The following FANCD2 variants were observed in gnomAD, a reference collection of about 807,000 sequenced individuals.
FANCD2 encodes the protein FA complementation group D2, also known as Fanconi anemia group D2 protein.
Under a neutral mutation model 192.3 loss-of-function variants are expected in FANCD2, and 131 were observed. The ratio of observed to expected loss-of-function variants is 0.68; its 90% CI spans 0.59 to 0.79. FANCD2 has a LOEUF of 0.79. FANCD2 is among the 30% of genes least tolerant of loss of function. The probability of loss-of-function intolerance (pLI) is 0.00; values close to 1 mark genes in which losing one functional copy is unlikely to be tolerated. For missense variants in FANCD2, 1,508 were observed against 1,701.6 expected (o/e 0.89, Z 2.00); for synonymous variants, 524 against 612.5 (o/e 0.86, Z 2.13).
chr3:10,081,512 A>G, intron 32 of FANCD2, 48 bp downstream of exon 32: 1 of 1,257,982 alleles, frequency 7.9e-7, no homozygotes, highest in Non-Finnish European at 1.2e-6. Context: ...ACTTGCTTTT[A>G]TTTGACAGTC....
chr3:10,071,206 A>G (rs1276029944), intron 26 of FANCD2, among the ~76,000 whole-genome samples: 11 of 152,146 alleles, frequency 7.2e-5, no homozygotes, highest in Admixed American at 6.6e-4. Context: ...GCTGGTGAGA[A>G]TATGGAGAAA....
chr3:10,061,548 A>G (rs942455750), intron 19 of FANCD2, among the ~76,000 whole-genome samples: 17 of 152,202 alleles, frequency 1.1e-4, no homozygotes, highest in African/African-American at 4.1e-4. Flanking sequence ...CACATCAGCA[A>G]TAAGGATAAT....
chr3:10,075,130 A>C (rs895455428), intron 29 of FANCD2, among the ~76,000 whole-genome samples: 2 of 152,132 alleles, frequency 1.3e-5, no homozygotes, highest in Non-Finnish European at 1.5e-5. Context: ...AATAACTTCT[A>C]ATCTAATCAA....
intron 36 of FANCD2, among the ~76,000 whole-genome samples, chr3:10,089,320 G>C (rs971524999): frequency 3.3e-5 from 5 of 151,484 alleles, no homozygotes; most frequent in African/African-American, 1.2e-4. Flanking sequence ...ACTGTCCAAC[G>C]TATATAGCTT....
At chr3:10,029,777 C>CTTG (rs373948218) in intron 2 of FANCD2, among the ~76,000 whole-genome samples, 27 of 151,886 alleles carry the variant, frequency 1.8e-4, no homozygotes, top group East Asian at 3.9e-4. Flanking sequence ...TTATATCATT[C>CTTG]TTGTTGTTGT....
chr3:10,091,314 C>G (rs1694594567), intron 37 of FANCD2, among the ~76,000 whole-genome samples: 1 of 151,620 alleles, frequency 6.6e-6, no homozygotes, highest in Non-Finnish European at 1.5e-5. Flanking sequence ...CTCATAGGCT[C>G]AAGCAATCCT....
chr3:10,057,392 G>A (rs185101322), intron 18 of FANCD2, among the ~76,000 whole-genome samples: 19 of 147,082 alleles, frequency 1.3e-4, no homozygotes, highest in Non-Finnish European at 1.2e-4. Flanking sequence ...TTGAGATGGA[G>A]TCTCACTCTG....
At chr3:10,079,673 T>C (rs956061859) in intron 30 of FANCD2, among the ~76,000 whole-genome samples, 7 of 152,136 alleles carry the variant, frequency 4.6e-5, no homozygotes, top group Non-Finnish European at 7.4e-5. Flanking sequence ...TCCTGTTCTT[T>C]ACTTGAATTT....
At chr3:10,098,594 C>A in intron 42 of FANCD2, 126 bp from the exon 43 acceptor site, 1 of 1,136,470 alleles carries the variant, frequency 8.8e-7, no homozygotes, top group Non-Finnish European at 1.3e-6. Context: ...AGTTGGTATC[C>A]ATGTTTGCTG....
intron 21 of FANCD2, among the ~76,000 whole-genome samples, 152 bp from the exon 22 acceptor site, chr3:10,064,200 ACTCT>A (rs1171504831): frequency 6.6e-5 from 10 of 151,762 alleles, no homozygotes; most frequent in Non-Finnish European, 5.9e-5. Context: ...CTTTTTATGC[ACTCT>A]CTCTTTTCTA....
intron 6 of FANCD2, among the ~76,000 whole-genome samples, 182 bp from the exon 7 acceptor site, chr3:10,036,105 T>TTTTTTTGG (rs2086724568): frequency 6.8e-6 from 1 of 146,788 alleles, no homozygotes; most frequent in African/African-American, 2.6e-5. Context: ...TTTTTTTTTT[T>TTTTTTTGG]GAGTCAGAGT....
In FANCD2 at chr3:10,064,728, G is replaced by C. The variant is rs756898495; in HGVS notation, c.2022-1G>C. The C allele has an allele frequency of 6.2e-7, 1 of 1,614,194 alleles. No homozygotes were observed. The highest frequency in any genetic ancestry group is 8.5e-7 in the Non-Finnish European group (1 of 1,180,022). On this transcript the variant is annotated splice_acceptor_variant, in intron 22 of 43. Coordinates refer to ENST00000675286, the MANE Select transcript of FANCD2 (RefSeq NM_001018115.3). LOFTEE classifies it high-confidence loss of function. Reference sequence around the variant, plus strand: ...CATCAGATTCTGGTTTTTCTCCGCAGTGACTTTCCATTTCCTGTGAAAGCA... The same window carrying C: ...CATCAGATTCTGGTTTTTCTCCGCACTGACTTTCCATTTCCTGTGAAAGCA...
At chr3:10,101,077 A>T in intron 43 of FANCD2, 111 bp from the exon 44 acceptor site, 1 of 827,762 alleles carries the variant, frequency 1.2e-6, no homozygotes, top group Non-Finnish European at 2.0e-6. Flanking sequence ...AAAAAAAAAA[A>T]AAGTTTTAAC....
Position 10,063,821 on chromosome 3 carries a change from C to A in FANCD2, c.1857C>A (p.Ser619=), listed in dbSNP as rs757152429. ...CCTCCTTGTTGCAGTTGGTTCATTCCTGCAGTGAGCAGTCTCCTCAGGCCT... is the reference window on the plus strand; with the variant it reads ...CCTCCTTGTTGCAGTTGGTTCATTCATGCAGTGAGCAGTCTCCTCAGGCCT... ...QVTSLLQLVH[S]CSEQSPQASA... is the part of the protein sequence containing the mutation. The change falls in exon 21 of 44, where the codon TCC becomes TCA. Residue 619 remains serine, a synonymous_variant. Coordinates refer to ENST00000675286, the MANE Select transcript of FANCD2 (RefSeq NM_001018115.3). 1 of 1,614,202 alleles carries A rather than the reference C, an allele frequency of 6.2e-7. No homozygotes were observed. The highest frequency in any genetic ancestry group is 1.1e-5 in the South Asian group (1 of 91,092).
intron 12 of FANCD2, 43 bp from the exon 13 acceptor site, chr3:10,043,441 T>C (rs2086915500): frequency 3.4e-6 from 5 of 1,489,176 alleles, no homozygotes; most frequent in African/African-American, 1.4e-5. Flanking sequence ...AGTTCTTTTC[T>C]GGTACGTAGA....
chr3:10,087,797 C>T (rs1229192399), intron 34 of FANCD2, among the ~76,000 whole-genome samples: 1 of 152,012 alleles, frequency 6.6e-6, no homozygotes, highest in African/African-American at 2.4e-5. Flanking sequence ...TACAGGTGCG[C>T]ACCACCGTGC....
intron 26 of FANCD2, among the ~76,000 whole-genome samples, chr3:10,069,743 CG>C (rs1475344354): frequency 1.3e-5 from 2 of 152,178 alleles, no homozygotes; most frequent in Admixed American, 1.3e-4. Flanking sequence ...GGATTGCAGA[CG>C]GAGTCTGGTT....
intron 10 of FANCD2, 131 bp downstream of exon 10, chr3:10,041,841 TC>T: frequency 2.1e-5 from 13 of 629,976 alleles, no homozygotes; most frequent in South Asian, 5.0e-5. Context: ...TTGATATCTC[TC>T]TTTTTTTTTT....
chr3:10,031,265 T>A lies in FANCD2; in HGVS notation c.65-1567T>A, dbSNP rs35193583. Among the ~76,000 whole-genome samples, 1,245 of 151,974 alleles carry A rather than the reference T, an allele frequency of 8.2e-3. 8 individuals are homozygous for A. Among genetic ancestry groups the A allele is most frequent in the Non-Finnish European group, 0.012 (797 of 67,940 alleles). Reference sequence around the variant, plus strand: ...ACGCCTGTAATCCCAGCACTTTGGGTGGCCAAGGCGGGCAGATCACGAGGT... The same window carrying A: ...ACGCCTGTAATCCCAGCACTTTGGGAGGCCAAGGCGGGCAGATCACGAGGT... On this transcript the variant is annotated intron_variant, in intron 2 of 43. Coordinates refer to ENST00000675286, the MANE Select transcript of FANCD2 (RefSeq NM_001018115.3).
Sources: gnomAD v4.1 joint callset for allele counts (sites outside exome capture counted in the v4.1 genomes callset) on GRCh38, gnomAD v4.1.1 for gene constraint, MANE v1.5 for transcripts, NCBI Gene and HGNC (gene_info 2026-07-23, HGNC 2026-07-21) for gene names.